C6: variants seen among roughly 807,000 people sequenced by gnomAD.
The protein encoded by C6 is complement C6.
In C6, 101 loss-of-function variants were observed where a neutral mutation model predicts 112.9. The observed-to-expected ratio is 0.89, with a 90% CI of 0.76 to 1.06. C6 has a LOEUF of 1.06. Among genes scored for constraint, C6 ranks in the 50% least tolerant of loss-of-function variants. The probability of loss-of-function intolerance (pLI) is 0.00; values close to 1 mark genes in which losing one functional copy is unlikely to be tolerated. For missense variants in C6, 1,202 were observed against 1,104.6 expected (o/e 1.09, Z -1.25); for synonymous variants, 431 against 384.1 (o/e 1.12, Z -1.43).
At chr5:41,144,707 G>C (rs1745652273) in intron 17 of C6, among the ~76,000 whole-genome samples, 5 of 152,114 alleles carry the variant, frequency 3.3e-5, no homozygotes, top group Admixed American at 3.3e-4. Context: ...CATAGTGCAT[G>C]ATGGGTAGTT....
intron 1 of C6, among the ~76,000 whole-genome samples, chr5:41,247,224 C>G (rs1270021682): frequency 6.6e-6 from 1 of 151,954 alleles, no homozygotes; most frequent in Non-Finnish European, 1.5e-5. Context: ...AAAAGGCATC[C>G]AAATAGGAAA....
chr5:41,174,683 T>C (rs1441236357), intron 8 of C6, among the ~76,000 whole-genome samples: 1 of 152,242 alleles, frequency 6.6e-6, no homozygotes, highest in African/African-American at 2.4e-5. Flanking sequence ...AATTTTGTTT[T>C]CTTTTTCTTG....
At chr5:41,255,163 C>T (rs1359475146) in intron 1 of C6, among the ~76,000 whole-genome samples, 2 of 152,050 alleles carry the variant, frequency 1.3e-5, no homozygotes, top group Non-Finnish European at 2.9e-5. Context: ...GAGTTCAAGA[C>T]CAGCCTGACC....
intron 5 of C6, among the ~76,000 whole-genome samples, chr5:41,191,498 C>T (rs541252839): frequency 6.6e-5 from 10 of 152,294 alleles, no homozygotes; most frequent in South Asian, 4.2e-4. Flanking sequence ...TAGATTGCTT[C>T]GGGCAGTTGA....
chr5:41,169,826 G>C (rs1478169488), intron 9 of C6, among the ~76,000 whole-genome samples: 1 of 152,198 alleles, frequency 6.6e-6, no homozygotes, highest in East Asian at 1.9e-4. Flanking sequence ...TCCAACATTG[G>C]GGATTACAAT....
At chr5:41,176,341 T>A (rs1175842802) in intron 8 of C6, 134 bp downstream of exon 8, 1 of 923,336 alleles carries the variant, frequency 1.1e-6, no homozygotes, top group African/African-American at 1.7e-5. Flanking sequence ...TTTTTTATCA[T>A]TCTTCATATC....
intron 5 of C6, among the ~76,000 whole-genome samples, chr5:41,194,625 A>G (rs909263923): frequency 6.6e-6 from 1 of 152,228 alleles, no homozygotes; most frequent in African/African-American, 2.4e-5. Context: ...ATATGAAGCA[A>G]TAGAAATTGA....
intron 13 of C6, among the ~76,000 whole-genome samples, chr5:41,156,552 G>A (rs1746932330): frequency 6.6e-6 from 1 of 152,152 alleles, no homozygotes; most frequent in Admixed American, 6.6e-5. Context: ...AGGGGCAAGA[G>A]TACCAAGAAT....
chr5:41,188,567 A>T (rs1284106830), intron 5 of C6, among the ~76,000 whole-genome samples: 1 of 152,096 alleles, frequency 6.6e-6, no homozygotes, highest in Non-Finnish European at 1.5e-5. Flanking sequence ...TAATGGTTAT[A>T]TTGCAAATGA....
intron 1 of C6, among the ~76,000 whole-genome samples, chr5:41,259,156 G>A (rs1202360358): frequency 6.6e-6 from 1 of 152,172 alleles, no homozygotes; most frequent in African/African-American, 2.4e-5. Flanking sequence ...GTTGCCTTTA[G>A]GGGATCTTGC....
At chr5:41,167,245 T>C (rs1231590592) in intron 9 of C6, among the ~76,000 whole-genome samples, 1 of 152,084 alleles carries the variant, frequency 6.6e-6, no homozygotes, top group Non-Finnish European at 1.5e-5. Context: ...GTTTTTAATG[T>C]CAAGGGCCAG....
intron 1 of C6, among the ~76,000 whole-genome samples, chr5:41,207,947 A>G (rs929283168): frequency 4.6e-5 from 7 of 152,202 alleles, no homozygotes; most frequent in Admixed American, 3.9e-4. Context: ...ACCACTTAGC[A>G]CTTATTCCAA....
At chr5:41,245,953 A>G (rs1005964979) in intron 1 of C6, among the ~76,000 whole-genome samples, 5 of 152,220 alleles carry the variant, frequency 3.3e-5, no homozygotes, top group African/African-American at 1.2e-4. Flanking sequence ...TGGCCTCCTA[A>G]AATGAATAGG....
At chr5:41,203,518 G>A (rs1561166365) in intron 1 of C6, 5 of 415,584 alleles carry the variant, frequency 1.2e-5, no homozygotes, top group South Asian at 4.3e-5. Flanking sequence ...GACAAAGTAT[G>A]TAGCATGTAT....
At chr5:41,156,586 G>A (rs1746936417) in intron 13 of C6, among the ~76,000 whole-genome samples, 1 of 152,200 alleles carries the variant, frequency 6.6e-6, no homozygotes. Context: ...GTTCTTCTGA[G>A]AATTGAAGTT....
chr5:41,153,970 C>T lies in C6; in HGVS notation c.2130G>A (p.Gln710=). The change falls in exon 15 of 18, where the codon CAG becomes CAA. Residue 710 remains glutamine, a synonymous_variant. Coordinates refer to ENST00000337836, the MANE Select transcript of C6 (RefSeq NM_000065.5). The part of the protein sequence containing the change: ...QRTECIKPVV[Q]EVLTITPFQR... The stretch of plus-strand genomic sequence containing the variant: ...GAAATGGTGTAATTGTCAGGACTTC[C>T]TGCACAACTGGCTTGATGCACTCCG... 6.2e-7 allele frequency: 1 copy of T among 1,613,812 alleles called. No homozygotes were observed. Among genetic ancestry groups the T allele is most frequent in the Non-Finnish European group, 8.5e-7 (1 of 1,179,810 alleles).
intron 1 of C6, among the ~76,000 whole-genome samples, chr5:41,244,947 C>T (rs1365511293): frequency 6.6e-6 from 1 of 152,098 alleles, no homozygotes; most frequent in Non-Finnish European, 1.5e-5. Context: ...AATGGTGAAT[C>T]ATGTTGATTG....
chr5:41,147,241 C>T (rs1745915679), intron 17 of C6, among the ~76,000 whole-genome samples: 2 of 152,100 alleles, frequency 1.3e-5, no homozygotes, highest in Admixed American at 6.6e-5. Context: ...TGGTGTTGAT[C>T]AAGCATCAAA....
chr5:41,260,731 C>T (rs568217572), intron 1 of C6, among the ~76,000 whole-genome samples: 15 of 151,332 alleles, frequency 9.9e-5, no homozygotes, highest in East Asian at 1.9e-4. Flanking sequence ...GCCAAGATGG[C>T]GCCATTGCAC....
Sources: gnomAD v4.1 joint callset for allele counts (sites outside exome capture counted in the v4.1 genomes callset) on GRCh38, gnomAD v4.1.1 for gene constraint, MANE v1.5 for transcripts, NCBI Gene and HGNC (gene_info 2026-07-23, HGNC 2026-07-21) for gene names.